Variants in C8orf34 observed in about 807,000 individuals in gnomAD.
The protein encoded by C8orf34 is chromosome 8 open reading frame 34, also known as uncharacterized protein C8orf34.
A neutral mutation model predicts 68.3 loss-of-function variants in C8orf34; 65 were observed. The observed-to-expected ratio is 0.95, with a 90% confidence interval of 0.78 to 1.17. C8orf34 has a LOEUF of 1.17. Among genes scored for constraint, C8orf34 ranks in the 50% most tolerant of loss-of-function variants. The pLI is 0.00. For missense variants in C8orf34, 664 were observed against 655.4 expected, an observed-to-expected ratio of 1.01 and a Z score of -0.14; for synonymous variants, 244 against 241.2, an observed-to-expected ratio of 1.01 and a Z score of -0.11.
At chr8:68,424,741 A>T (rs1810134640) in intron 1 of C8orf34, among the ~76,000 whole-genome samples, 1 of 152,112 alleles carries the variant, frequency 6.6e-6, no homozygotes, top group Non-Finnish European at 1.5e-5. Flanking sequence ...TCTACTAAAA[A>T]TACAAAAAAT....
chr8:68,751,884 T>A, intron 10 of C8orf34, among the ~76,000 whole-genome samples: 2 of 151,222 alleles, frequency 1.3e-5, no homozygotes, highest in Non-Finnish European at 2.9e-5. Context: ...TTTTAAAAAA[T>A]TATTATATTA....
At chr8:68,588,080 A>C (rs1817261172) in intron 7 of C8orf34, among the ~76,000 whole-genome samples, 1 of 152,198 alleles carries the variant, frequency 6.6e-6, no homozygotes, top group African/African-American at 2.4e-5. Flanking sequence ...AGCTATACCT[A>C]CATATGCCGG....
intron 1 of C8orf34, among the ~76,000 whole-genome samples, chr8:68,373,044 G>A (rs527801142): frequency 6.6e-6 from 1 of 152,230 alleles, no homozygotes; most frequent in Admixed American, 6.5e-5. Context: ...TGCCCAGCCT[G>A]GAGTGCAATG....
chr8:68,735,360 G>T (rs986193127), intron 10 of C8orf34, among the ~76,000 whole-genome samples: 1 of 152,170 alleles, frequency 6.6e-6, no homozygotes, highest in African/African-American at 2.4e-5. Flanking sequence ...AAATTTCAAT[G>T]TTTATCCTAT....
intron 3 of C8orf34, among the ~76,000 whole-genome samples, chr8:68,456,840 G>A (rs1344120363): frequency 4.6e-5 from 7 of 152,198 alleles, no homozygotes; most frequent in Non-Finnish European, 1.0e-4. Flanking sequence ...ATAGTTATGT[G>A]TCATAGATAA....
chr8:68,528,530 T>A (rs1815109776), intron 6 of C8orf34, among the ~76,000 whole-genome samples: 2 of 152,198 alleles, frequency 1.3e-5, no homozygotes, highest in East Asian at 3.9e-4. Flanking sequence ...TTTTCCTGTT[T>A]TACTCTCCTG....
At chr8:68,650,098 T>C (rs1039422554) in intron 8 of C8orf34, among the ~76,000 whole-genome samples, 1 of 151,666 alleles carries the variant, frequency 6.6e-6, no homozygotes, top group Non-Finnish European at 1.5e-5. Flanking sequence ...TGTGAAACAG[T>C]CATAAGGGTT....
At chr8:68,682,814 G>A (rs1445321373) in intron 8 of C8orf34, among the ~76,000 whole-genome samples, 3 of 152,064 alleles carry the variant, frequency 2.0e-5, no homozygotes, top group Non-Finnish European at 2.9e-5. Context: ...CTGGCTAAAG[G>A]AATTTTACAA....
At chr8:68,349,649 C>T (rs192561982) in intron 1 of C8orf34, among the ~76,000 whole-genome samples, 38 of 151,918 alleles carry the variant, frequency 2.5e-4, no homozygotes, top group East Asian at 1.9e-3. Flanking sequence ...GATTCAATTT[C>T]GGAGCTTGTT....
At chr8:68,470,600 A>G (rs1327372865) in intron 4 of C8orf34, among the ~76,000 whole-genome samples, 1 of 152,064 alleles carries the variant, frequency 6.6e-6, no homozygotes, top group Middle Eastern at 3.2e-3. Flanking sequence ...ATAGCAAAAT[A>G]CTGTAGCCTG....
intron 7 of C8orf34, among the ~76,000 whole-genome samples, chr8:68,577,562 G>C (rs536158386): frequency 2.3e-4 from 35 of 151,958 alleles, no homozygotes; most frequent in African/African-American, 8.2e-4. Flanking sequence ...ATGAATGAAA[G>C]AAAAATTGAC....
Position 68,679,324 on chromosome 8 carries a change from T to TAATAA in C8orf34, c.1242-29650_1242-29646dup, listed in dbSNP as rs535678250. On this transcript the variant is annotated intron_variant, in intron 8 of 13. Coordinates refer to ENST00000518698, the MANE Select transcript of C8orf34 (RefSeq NM_052958.4). Reference sequence around the variant, plus strand: ...AACAAAAACAAAAAACAAAAGCTATTAATAAAATAAAATAAAATAAAATAC... The same window carrying TAATAA: ...AACAAAAACAAAAAACAAAAGCTATTAATAAAATAAAATAAAATAAAATAAAATAC... 2.8e-3 allele frequency among the ~76,000 whole-genome samples: 417 copies of TAATAA among 151,360 alleles called. 1 individual carries two copies. The highest frequency in any genetic ancestry group is 7.7e-3 in the African/African-American group (318 of 41,276).
At chr8:68,684,745 T>C (rs945602607) in intron 8 of C8orf34, among the ~76,000 whole-genome samples, 4 of 152,024 alleles carry the variant, frequency 2.6e-5, no homozygotes, top group African/African-American at 9.7e-5. Flanking sequence ...TCACATAGCT[T>C]TCTGGAAGAA....
intron 7 of C8orf34, among the ~76,000 whole-genome samples, chr8:68,611,454 A>C (rs1818021279): frequency 6.6e-6 from 1 of 152,170 alleles, no homozygotes; most frequent in Non-Finnish European, 1.5e-5. Flanking sequence ...GCCCACAAGA[A>C]ATGGATGCAT....
At chr8:68,609,458 A>C (rs890158486) in intron 7 of C8orf34, among the ~76,000 whole-genome samples, 13 of 152,172 alleles carry the variant, frequency 8.5e-5, no homozygotes, top group Non-Finnish European at 1.6e-4. Context: ...CATGAAAGAG[A>C]ATTCACAAAG....
chr8:68,776,124 C>A (rs1305526106), intron 10 of C8orf34, among the ~76,000 whole-genome samples: 1 of 152,156 alleles, frequency 6.6e-6, no homozygotes, highest in East Asian at 1.9e-4. Context: ...ATGTAACAAA[C>A]CTGCACGTCC....
At chr8:68,517,814 T>C (rs955891133) in intron 5 of C8orf34, among the ~76,000 whole-genome samples, 2 of 152,220 alleles carry the variant, frequency 1.3e-5, no homozygotes, top group Non-Finnish European at 2.9e-5. Context: ...ACCATCTACT[T>C]TGAGCCTATA....
chr8:68,528,277 T>C (rs527868428), intron 6 of C8orf34, among the ~76,000 whole-genome samples: 1 of 152,192 alleles, frequency 6.6e-6, no homozygotes, highest in Non-Finnish European at 1.5e-5. Flanking sequence ...ACCTTCTCAT[T>C]CTCATTATCT....
At chr8:68,412,378 A>G (rs1419230702) in intron 1 of C8orf34, among the ~76,000 whole-genome samples, 1 of 152,216 alleles carries the variant, frequency 6.6e-6, no homozygotes, top group African/African-American at 2.4e-5. Flanking sequence ...GTTCTAATAT[A>G]GAGGAAAGGT....
Sources: allele counts gnomAD v4.1 joint callset (sites outside exome capture counted in the v4.1 genomes callset), GRCh38; gene constraint gnomAD v4.1.1; transcripts MANE v1.5; gene names NCBI Gene and HGNC (gene_info 2026-07-23, HGNC 2026-07-21).